SYT14: variants seen among roughly 807,000 people sequenced by gnomAD.
The protein encoded by SYT14 is synaptotagmin-14.
In SYT14, 32 loss-of-function variants were observed where a neutral mutation model predicts 74.2. The observed-to-expected ratio is 0.43, with a 90% confidence interval of 0.33 to 0.58. SYT14 has a LOEUF of 0.58. Ranked by LOEUF, SYT14 falls within the 20% of genes least tolerant of loss-of-function variation. The probability of loss-of-function intolerance (pLI) is 0.05; values close to 1 mark genes in which losing one functional copy is unlikely to be tolerated. For synonymous variants in SYT14, 298 were observed against 337.7 expected (o/e 0.88, Z 1.29); for missense variants, 791 against 981.8 (o/e 0.81, Z 2.60).
intron 2 of SYT14, among the ~76,000 whole-genome samples, chr1:210,004,691 C>T (rs1390759440): frequency 6.6e-6 from 1 of 151,936 alleles, no homozygotes; most frequent in African/African-American, 2.4e-5. Context: ...GGACAGGACT[C>T]AAACTGTTTC....
At chr1:209,990,467 A>T (rs1398446369) in intron 2 of SYT14, among the ~76,000 whole-genome samples, 1 of 145,696 alleles carries the variant, frequency 6.9e-6, no homozygotes, top group Non-Finnish European at 1.5e-5. Context: ...AGTGTTCCTC[A>T]GATGTCATTT....
chr1:210,105,991 G>A (rs570352640), intron 7 of SYT14, among the ~76,000 whole-genome samples: 20 of 152,304 alleles, frequency 1.3e-4, no homozygotes, highest in African/African-American at 4.6e-4. Flanking sequence ...AGAACTGTGA[G>A]CCAATTAAAC....
At chr1:210,094,686 C>A in intron 6 of SYT14, 93 bp downstream of exon 5, 1 of 1,398,270 alleles carries the variant, frequency 7.2e-7, no homozygotes, top group Non-Finnish European at 1.0e-6. Flanking sequence ...TTGATTTTAT[C>A]ACTTATTCCT....
chr1:210,010,635 T>C (rs2080069845), intron 2 of SYT14, among the ~76,000 whole-genome samples: 1 of 152,178 alleles, frequency 6.6e-6, no homozygotes, highest in Non-Finnish European at 1.5e-5. Flanking sequence ...CTGTATGTTA[T>C]ACTTACTTGC....
intron 7 of SYT14, among the ~76,000 whole-genome samples, chr1:210,116,277 C>G (rs2082359363): frequency 6.6e-6 from 1 of 152,108 alleles, no homozygotes; most frequent in Non-Finnish European, 1.5e-5. Context: ...TATATTATCT[C>G]TGAGTTTATT....
At chr1:210,104,434 A>G (rs945451042) in intron 7 of SYT14, among the ~76,000 whole-genome samples, 15 of 152,158 alleles carry the variant, frequency 9.9e-5, no homozygotes, top group African/African-American at 3.6e-4. Flanking sequence ...ATGGTTTACT[A>G]TTTACTTGCT....
At chr1:210,010,857 T>C (rs2080074065) in intron 2 of SYT14, among the ~76,000 whole-genome samples, 1 of 152,224 alleles carries the variant, frequency 6.6e-6, no homozygotes, top group Non-Finnish European at 1.5e-5. Flanking sequence ...ACACATAGTT[T>C]AATATCTCTT....
chr1:210,104,906 G>A (rs2082131775), intron 7 of SYT14, among the ~76,000 whole-genome samples: 1 of 152,048 alleles, frequency 6.6e-6, no homozygotes, highest in African/African-American at 2.4e-5. Flanking sequence ...TATATATATG[G>A]TTTTTGGTGA....
chr1:209,943,184 C>A (rs1056534533), intron 1 of SYT14, among the ~76,000 whole-genome samples: 1 of 152,124 alleles, frequency 6.6e-6, no homozygotes, highest in Non-Finnish European at 1.5e-5. Context: ...ATTAGAAACA[C>A]TTAGCGAACA....
intron 2 of SYT14, among the ~76,000 whole-genome samples, chr1:209,977,505 C>A (rs1253304803): frequency 3.3e-5 from 5 of 152,134 alleles, no homozygotes; most frequent in African/African-American, 7.2e-5. Flanking sequence ...GTTGAAAATT[C>A]TTTTCTTTAA....
At chr1:210,161,892 T>C (rs1305615913) in exon 10 of SYT14, 1 of 451,134 alleles carries the variant, frequency 2.2e-6, no homozygotes, top group Non-Finnish European at 4.4e-6. Flanking sequence ...AGTGATTGAC[T>C]CTTCAAAATT....
chr1:210,088,950 T>C (rs966330865), intron 5 of SYT14, among the ~76,000 whole-genome samples: 18 of 152,112 alleles, frequency 1.2e-4, no homozygotes, highest in African/African-American at 3.4e-4. Context: ...TACATAGATA[T>C]ACACGTGCCA....
At chr1:210,073,064 C>T (rs987739242) in intron 5 of SYT14, among the ~76,000 whole-genome samples, 2 of 150,438 alleles carry the variant, frequency 1.3e-5, no homozygotes, top group Admixed American at 6.6e-5. Context: ...TTATTTCTTC[C>T]TGTTGCTATA....
At chr1:210,145,846 C>T (rs2083021804) in intron 7 of SYT14, among the ~76,000 whole-genome samples, 1 of 152,158 alleles carries the variant, frequency 6.6e-6, no homozygotes, top group Non-Finnish European at 1.5e-5. Flanking sequence ...AATATTGTTT[C>T]TGTTACCAGA....
intron 5 of SYT14, among the ~76,000 whole-genome samples, chr1:210,050,542 C>G (rs1413867327): frequency 2.6e-5 from 4 of 152,206 alleles, no homozygotes; most frequent in African/African-American, 9.7e-5. Context: ...CCCACTCTAA[C>G]TGGTAGCAAT....
intron 5 of SYT14, among the ~76,000 whole-genome samples, chr1:210,091,591 G>A (rs187083649): frequency 6.6e-6 from 1 of 152,276 alleles, no homozygotes; most frequent in Non-Finnish European, 1.5e-5. Flanking sequence ...TTGGGAGGCT[G>A]AGGAGGGAGG....
intron 2 of SYT14, among the ~76,000 whole-genome samples, chr1:209,991,598 T>G (rs1472902417): frequency 6.6e-6 from 1 of 152,104 alleles, no homozygotes; most frequent in Non-Finnish European, 1.5e-5. Context: ...CTTACACCAA[T>G]CAGAATAGCT....
chr1:210,026,045 A>G (rs1558137596), intron 5 of SYT14, among the ~76,000 whole-genome samples: 1 of 152,122 alleles, frequency 6.6e-6, no homozygotes, highest in South Asian at 2.1e-4. Flanking sequence ...ATGTAATGGC[A>G]TATTTGTTGA....
In SYT14 at chr1:210,143,944, G is replaced by A. The variant is rs1204451280; in HGVS notation, c.2035-11777G>A. ...AAATTGAGAATAAAATTTTCTAGAG[G>A]GTACTGTTACTATATTATTTTTATA... On this transcript the variant is annotated intron_variant, in intron 7 of 9. Transcript: ENST00000637265. Among the ~76,000 whole-genome samples, 3 of 152,034 alleles carry A rather than the reference G, an allele frequency of 2.0e-5. No homozygotes were observed. The South Asian group carries it at 6.2e-4, about 31-fold the overall frequency.
Sources: gnomAD v4.1 joint callset for allele counts (sites outside exome capture counted in the v4.1 genomes callset) on GRCh38, gnomAD v4.1.1 for gene constraint, MANE v1.5 for transcripts, NCBI Gene and HGNC (gene_info 2026-07-23, HGNC 2026-07-21) for gene names.